TRIM22: variants seen among roughly 807,000 people sequenced by gnomAD.
The protein encoded by TRIM22 is tripartite motif containing 22.
TRIM22 carries 45 observed loss-of-function variants against 53.6 expected under a neutral mutation model. The observed-to-expected ratio is 0.84, with a 90% CI of 0.66 to 1.08. TRIM22 has a LOEUF of 1.08. Among genes scored for constraint, TRIM22 ranks in the 50% least tolerant of loss-of-function variants. TRIM22 has a pLI of 0.00. For missense variants in TRIM22, 616 were observed against 590.9 expected (o/e 1.04, Z -0.44); for synonymous variants, 225 against 216.6 (o/e 1.04, Z -0.34).
intron 3 of TRIM22, chr11:5,698,046 C>G: frequency 2.6e-6 from 1 of 384,628 alleles, no homozygotes; most frequent in Non-Finnish European, 4.9e-6. Flanking sequence ...TTGTTCAGGA[C>G]AGGTGTCTAC....
At chr11:5,703,690 A>AT (rs34863859) in intron 4 of TRIM22, among the ~76,000 whole-genome samples, 111,335 of 151,660 alleles carry the variant, frequency 0.73, 41,245 homozygotes, top group African/African-American at 0.79. Context: ...CGGAAATTTT[A>AT]TTTTTTTTAT....
chr11:5,700,543 C>T (rs1853356856), intron 4 of TRIM22, among the ~76,000 whole-genome samples: 1 of 141,966 alleles, frequency 7.0e-6, no homozygotes, highest in South Asian at 2.2e-4. Flanking sequence ...GGGGAAAGTA[C>T]TCAGTCTCTC....
At chr11:5,704,987 ATTTG>A (rs1478616749) in intron 4 of TRIM22, among the ~76,000 whole-genome samples, 1 of 152,132 alleles carries the variant, frequency 6.6e-6, no homozygotes, top group African/African-American at 2.4e-5. Context: ...AGAGGACAAT[ATTTG>A]TTTGTCTGTC....
intron 4 of TRIM22, among the ~76,000 whole-genome samples, chr11:5,705,853 T>C (rs2134182357): frequency 6.6e-6 from 1 of 152,248 alleles, no homozygotes; most frequent in South Asian, 2.1e-4. Context: ...ACCTACTCAG[T>C]TACTTGGTCC....
intron 4 of TRIM22, among the ~76,000 whole-genome samples, chr11:5,700,278 C>T (rs2134177726): frequency 6.6e-6 from 1 of 152,108 alleles, no homozygotes; most frequent in East Asian, 1.9e-4. Context: ...CACCTGGCTA[C>T]ATTTTTTTTG....
At position 5,709,717 on chromosome 11, in the gene TRIM22, T is replaced by G. The variant is rs1590322414; in HGVS notation, c.*69T>G. On this transcript the variant is annotated 3_prime_UTR_variant, in exon 8 of 8. Transcript: ENST00000379965. The stretch of plus-strand genomic sequence containing the variant: ...CTGAGACTCAGATTCTGCACCTGAG[T>G]TCATCTCTACTGAGACCATCTCTTC... The G allele has an allele frequency of 2.2e-6, 3 of 1,342,562 alleles. No homozygotes were observed. The East Asian group carries it at 6.9e-5, about 31-fold the overall frequency. The allele number at this position is 1,342,562 out of a possible 1,614,324, so 83.2% of individuals were successfully genotyped here.
chr11:5,706,550 T>C (rs1853458761), intron 4 of TRIM22, 44 bp from the exon 5 acceptor site: 2 of 1,603,956 alleles, frequency 1.2e-6, no homozygotes, highest in Non-Finnish European at 1.7e-6. Flanking sequence ...ATGTTCTAAA[T>C]CTGGCAACCC....
intron 1 of TRIM22, among the ~76,000 whole-genome samples, chr11:5,692,785 C>T (rs1853192517): frequency 1.0e-5 from 1 of 99,798 alleles, no homozygotes; most frequent in Admixed American, 1.1e-4. Context: ...CGCAGTGAGA[C>T]CTTGTCTCAA....
At chr11:5,708,143 G>A in intron 5 of TRIM22, 30 bp from the exon 6 acceptor site, 3 of 1,544,602 alleles carry the variant, frequency 1.9e-6, no homozygotes, top group Non-Finnish European at 2.7e-6. Flanking sequence ...GGGCAAAGGT[G>A]TAAAGGTTAT....
chr11:5,706,710 C>A, intron 5 of TRIM22, 94 bp downstream of exon 5: 1 of 1,282,830 alleles, frequency 7.8e-7, no homozygotes, highest in South Asian at 1.5e-5. Context: ...CTTAAAAAAT[C>A]AAAAGGCTGG....
In TRIM22 at chr11:5,709,440, A is replaced by C. The variant is rs1853521157; in HGVS notation, c.1289A>C (p.Lys430Thr). 2.5e-6 allele frequency: 4 copies of C among 1,614,008 alleles called. No homozygotes were observed. The African/African-American group carries it at 4.0e-5, about 16-fold the overall frequency. The change falls in exon 8 of 8, where the codon AAG (lysine) becomes ACG (threonine). Residue 430 changes from lysine to threonine, a missense_variant. By Grantham distance (78) the Lys-to-Thr change is moderately conservative. Coordinates refer to ENST00000379965, the MANE Select transcript of TRIM22 (RefSeq NM_006074.5). ...GAGGACTCCTCCTCTTCTGATCCCA[A>C]GGTTTTGACTCTCTTTATGGCTGTG... ...AFEDSSSSDP[K>T]VLTLFMAVPP...
chr11:5,699,564 A>G (rs1054251787), intron 4 of TRIM22, among the ~76,000 whole-genome samples: 4 of 109,034 alleles, frequency 3.7e-5, no homozygotes, highest in African/African-American at 1.8e-4. Context: ...AAAAAAAAAA[A>G]AAAAAGAGTG....
chr11:5,697,140 T>C, intron 2 of TRIM22, 108 bp from the exon 3 acceptor site: 1 of 765,576 alleles, frequency 1.3e-6, no homozygotes, highest in Middle Eastern at 2.4e-4. Flanking sequence ...CCTCACTGTT[T>C]CTGTAAACTA....
rs116479296 is a variant in TRIM22 at position 5,695,040 on chromosome 11, T to C, written c.-66-1127T>C. 7.8e-3 allele frequency among the ~76,000 whole-genome samples: 1,193 copies of C among 152,322 alleles called. 14 individuals are homozygous for C. Among genetic ancestry groups the C allele is most frequent in the African/African-American group, 0.026 (1,093 of 41,570 alleles). ...TTTATATATTCGTTAAATGTTTTATTCCTGTATGTGATTCACTTTTCTAGG... is the reference window on the plus strand; with the variant it reads ...TTTATATATTCGTTAAATGTTTTATCCCTGTATGTGATTCACTTTTCTAGG... On this transcript the variant is annotated intron_variant, in intron 1 of 7. Transcript: ENST00000379965.
In TRIM22 at chr11:5,709,643, T is replaced by G; in HGVS notation, c.1492T>G (p.Ser498Ala). The part of the protein sequence containing the change: ...LVPMTVCPPS[S>A] ...CCCCATGACTGTGTGCCCACCGAGC[T>G]CCTGAGTGTTCTCATTCCTTTACCC... Residue 498 changes from serine (S) to alanine (A), a missense_variant, in exon 8 of 8, where the codon TCC becomes GCC. Transcript: ENST00000379965. 1 of 1,601,178 alleles carries G rather than the reference T, an allele frequency of 6.2e-7. No homozygotes were observed. The highest frequency in any genetic ancestry group is 1.3e-5 in the African/African-American group (1 of 74,952).
intron 1 of TRIM22, among the ~76,000 whole-genome samples, chr11:5,690,207 A>G (rs1354571363): frequency 1.3e-5 from 2 of 152,186 alleles, no homozygotes; most frequent in Non-Finnish European, 1.5e-5. Flanking sequence ...CTTAAGGGAG[A>G]CGAGCACTCA....
intron 7 of TRIM22, among the ~76,000 whole-genome samples, 182 bp downstream of exon 7, chr11:5,708,785 C>T (rs1483604756): frequency 6.6e-6 from 1 of 150,578 alleles, no homozygotes; most frequent in Non-Finnish European, 1.5e-5. Flanking sequence ...GGCGCGGTCT[C>T]GGCTCACTGC....
At position 5,697,317 on chromosome 11, in the gene TRIM22, A is replaced by C; in HGVS notation, c.493A>C (p.Ile165Leu). The change falls in exon 3 of 8, where the codon ATC (isoleucine) becomes CTC (leucine). Residue 165 changes from isoleucine (I) to leucine (L), a missense_variant. By Grantham distance (5) the Ile-to-Leu change is conservative (BLOSUM62 2). Transcript: ENST00000379965. ...DQEAEKLEDD[I>L]RQERTAWKNY... ...AGAGGCTGAGAAGCTGGAAGATGAC[A>C]TCAGACAAGAGAGAACCGCCTGGAA... The C allele has an allele frequency of 1.2e-6, 2 of 1,613,714 alleles. No individual in the cohort carries two copies. Among genetic ancestry groups the C allele is most frequent in the Non-Finnish European group, 1.7e-6 (2 of 1,179,796 alleles).
intron 6 of TRIM22, 121 bp downstream of exon 6, chr11:5,708,394 A>C (rs1853498196): frequency 2.9e-6 from 3 of 1,052,120 alleles, no homozygotes; most frequent in South Asian, 3.0e-5. Context: ...AAGGAGGAAA[A>C]TCCTGTGCTG....
Sources: gnomAD v4.1 joint callset for allele counts (sites outside exome capture counted in the v4.1 genomes callset) on GRCh38, gnomAD v4.1.1 for gene constraint, MANE v1.5 for transcripts, NCBI Gene and HGNC (gene_info 2026-07-23, HGNC 2026-07-21) for gene names.